COG5: variants seen among roughly 807,000 people sequenced by gnomAD.
The protein encoded by COG5 is component of oligomeric golgi complex 5.
COG5 carries 86 observed loss-of-function variants against 110.4 expected under a neutral mutation model. That is an observed-to-expected ratio of 0.78 (90% CI 0.65 to 0.93). The LOEUF (loss-of-function observed/expected upper bound fraction) is 0.93, where lower values mean the gene tolerates loss of function less well. Ranked by LOEUF, COG5 falls within the 40% of genes least tolerant of loss-of-function variation. The pLI is 0.00. For missense variants in COG5, 1,077 were observed against 987.0 expected (o/e 1.09, Z -1.22); for synonymous variants, 360 against 334.6 (o/e 1.08, Z -0.83).
intron 6 of COG5, among the ~76,000 whole-genome samples, chr7:107,429,384 GACC>G (rs1793859772): frequency 6.6e-6 from 1 of 151,772 alleles, no homozygotes; most frequent in Non-Finnish European, 1.5e-5. Flanking sequence ...TAATGATACT[GACC>G]ACCTTTTCAT....
At chr7:107,316,225 A>T (rs1808725448) in intron 11 of COG5, among the ~76,000 whole-genome samples, 1 of 152,218 alleles carries the variant, frequency 6.6e-6, no homozygotes, top group Non-Finnish European at 1.5e-5. Context: ...CAACATGAAT[A>T]GGTTTATAGC....
intron 11 of COG5, among the ~76,000 whole-genome samples, chr7:107,323,999 T>C (rs1809538628): frequency 2.0e-5 from 3 of 152,196 alleles, no homozygotes; most frequent in Admixed American, 1.3e-4. Flanking sequence ...TAATTCACGA[T>C]GTAGATATTT....
chr7:107,396,934 A>T (rs1046504860), intron 7 of COG5, among the ~76,000 whole-genome samples: 9 of 152,368 alleles, frequency 5.9e-5, no homozygotes, highest in African/African-American at 2.2e-4. Flanking sequence ...ATTTTTAAAT[A>T]TAATAAAATG....
intron 6 of COG5, among the ~76,000 whole-genome samples, chr7:107,422,546 C>T (rs1793369740): frequency 6.6e-6 from 1 of 151,674 alleles, no homozygotes; most frequent in South Asian, 2.1e-4. Context: ...CAAAACTAAA[C>T]TAAAATACAA....
rs1011776451 is a variant in COG5 at position 107,311,953 on chromosome 7, T to C, written c.1108+12487A>G. ...ATTCCTAGCTTATTCTAGGCTTGAA[T>C]GGTTTCATATTTCATATGTAATTGT... On this transcript the variant is annotated intron_variant, in intron 11 of 21. Transcript: ENST00000297135. 2.6e-5 allele frequency among the ~76,000 whole-genome samples: 4 copies of C among 152,208 alleles called. No individual in the cohort carries two copies. The East Asian group carries it at 5.8e-4, about 22-fold the overall frequency.
chr7:107,357,008 A>G (rs1164630883), intron 10 of COG5, among the ~76,000 whole-genome samples: 1 of 152,168 alleles, frequency 6.6e-6, no homozygotes, highest in Non-Finnish European at 1.5e-5. Context: ...CTCAAGAGAT[A>G]TATCGTTGTC....
chr7:107,329,260 C>T (rs1810033254), intron 10 of COG5, among the ~76,000 whole-genome samples: 1 of 151,968 alleles, frequency 6.6e-6, no homozygotes, highest in African/African-American at 2.4e-5. Flanking sequence ...AAGAGATGTA[C>T]TAAGAAGGAC....
At chr7:107,526,474 G>C (rs556856969) in intron 6 of COG5, among the ~76,000 whole-genome samples, 4 of 152,156 alleles carry the variant, frequency 2.6e-5, no homozygotes, top group South Asian at 4.1e-4. Flanking sequence ...TCTGAGAAAA[G>C]AATGAACAAA....
intron 6 of COG5, among the ~76,000 whole-genome samples, chr7:107,427,211 G>T (rs1457179556): frequency 1.3e-5 from 2 of 152,176 alleles, no homozygotes; most frequent in Non-Finnish European, 2.9e-5. Flanking sequence ...TGGAGGTCAT[G>T]AGGTAAGGAA....
At chr7:107,452,790 C>T (rs1024936460) in intron 6 of COG5, among the ~76,000 whole-genome samples, 2 of 152,126 alleles carry the variant, frequency 1.3e-5, no homozygotes, top group Non-Finnish European at 2.9e-5. Flanking sequence ...TTGTATTCCC[C>T]ATCTTTAATT....
chr7:107,378,417 A>G (rs1165130063), intron 7 of COG5, among the ~76,000 whole-genome samples: 1 of 152,208 alleles, frequency 6.6e-6, no homozygotes, highest in Non-Finnish European at 1.5e-5. Context: ...TGGATGGAGA[A>G]TGAGTTTGAT....
chr7:107,323,957 G>A (rs1227025573), intron 11 of COG5, among the ~76,000 whole-genome samples: 1 of 152,110 alleles, frequency 6.6e-6, no homozygotes, highest in African/African-American at 2.4e-5. Context: ...TTAAGAAAAA[G>A]TTTTGTGGAA....
chr7:107,397,476 T>C (rs1791100471), intron 7 of COG5, among the ~76,000 whole-genome samples: 2 of 152,094 alleles, frequency 1.3e-5, no homozygotes, highest in African/African-American at 4.8e-5. Context: ...TACAGCCTCA[T>C]CCAGCACCAT....
At chr7:107,301,911 A>ACT (rs2116937933) in intron 11 of COG5, among the ~76,000 whole-genome samples, 1 of 152,280 alleles carries the variant, frequency 6.6e-6, no homozygotes, top group African/African-American at 2.4e-5. Context: ...GGATAAACAA[A>ACT]CTAGAACTCT....
chr7:107,398,275 GA>G, intron 7 of COG5, among the ~76,000 whole-genome samples: 1 of 152,254 alleles, frequency 6.6e-6, no homozygotes, highest in East Asian at 1.9e-4. Context: ...ATTCATCAAT[GA>G]AAAACAATGG....
In COG5 at chr7:107,475,514, T is replaced by C. The variant is rs539946698; in HGVS notation, c.538+51723A>G. The C allele has an allele frequency of 2.5e-5, 13 of 511,998 alleles. No individual in the cohort carries two copies. In the Admixed American group the frequency reaches 3.0e-4, roughly 12 times the overall value. 31.7% of individuals were successfully genotyped at this position (511,998 alleles called of 1,614,324 possible). ...GAATGTCAATTAGATAGGTCATATA[T>C]ATTCAATTTCTTCATTACTTAATGT... On this transcript the variant is annotated intron_variant, in intron 6 of 21. Coordinates refer to ENST00000297135, the MANE Select transcript of COG5 (RefSeq NM_006348.5).
intron 10 of COG5, among the ~76,000 whole-genome samples, chr7:107,347,745 A>C (rs1295072435): frequency 6.6e-6 from 1 of 152,228 alleles, no homozygotes; most frequent in Non-Finnish European, 1.5e-5. Context: ...AAAAAATTTT[A>C]ACATGTATTT....
intron 6 of COG5, among the ~76,000 whole-genome samples, chr7:107,447,737 C>T (rs1390135136): frequency 6.6e-6 from 1 of 152,238 alleles, no homozygotes; most frequent in African/African-American, 2.4e-5. Context: ...CAAATTCAAG[C>T]TATATTATGA....
At chr7:107,388,584 CA>C (rs1247309739) in intron 7 of COG5, among the ~76,000 whole-genome samples, 1 of 152,182 alleles carries the variant, frequency 6.6e-6, no homozygotes, top group Non-Finnish European at 1.5e-5. Context: ...ACTATTGGCA[CA>C]AGCCTTATTT....
Sources: gnomAD v4.1 joint callset for allele counts (sites outside exome capture counted in the v4.1 genomes callset) on GRCh38, gnomAD v4.1.1 for gene constraint, MANE v1.5 for transcripts, NCBI Gene and HGNC (gene_info 2026-07-23, HGNC 2026-07-21) for gene names.